Variants in EXOC2 observed in about 807,000 individuals in gnomAD.
The protein encoded by EXOC2 is exocyst complex component 2.
A neutral mutation model predicts 131.8 loss-of-function variants in EXOC2; 70 were observed. The observed-to-expected ratio is 0.53, with a 90% CI of 0.44 to 0.65. The LOEUF (loss-of-function observed/expected upper bound fraction) is 0.65. Ranked by LOEUF, EXOC2 falls within the 30% of genes least tolerant of loss-of-function variation. EXOC2 has a pLI of 0.00. For missense variants in EXOC2, 923 were observed against 1,108.6 expected (o/e 0.83, Z 2.38); for synonymous variants, 411 against 398.4 (o/e 1.03, Z -0.38).
At chr6:566,896 CTTTCT>C (rs1379892044) in intron 13 of EXOC2, among the ~76,000 whole-genome samples, 4 of 152,174 alleles carry the variant, frequency 2.6e-5, no homozygotes, top group African/African-American at 7.2e-5. Flanking sequence ...TTTCTTAGGT[CTTTCT>C]GGCTTGGCAT....
chr6:545,133 G>A (rs1044838267), intron 22 of EXOC2, among the ~76,000 whole-genome samples: 4 of 122,828 alleles, frequency 3.3e-5, no homozygotes, highest in Admixed American at 2.0e-4. Flanking sequence ...CGGCCTGGGC[G>A]ACAGAGCGAG....
At chr6:595,333 G>C (rs1759752130) in intron 10 of EXOC2, among the ~76,000 whole-genome samples, 1 of 151,940 alleles carries the variant, frequency 6.6e-6, no homozygotes, top group South Asian at 2.1e-4. Flanking sequence ...AAATTTCAAA[G>C]TCCAACAGGT....
intron 1 of EXOC2, among the ~76,000 whole-genome samples, chr6:676,724 C>T (rs201601805): frequency 1.8e-4 from 8 of 45,498 alleles, no homozygotes; most frequent in Non-Finnish European, 2.2e-4. Context: ...GGACAGGTTC[C>T]TCTGGAGACT....
intron 23 of EXOC2, among the ~76,000 whole-genome samples, chr6:501,109 TTATATATATCTA>T (rs1764030660): frequency 1.1e-5 from 1 of 87,630 alleles, no homozygotes; most frequent in African/African-American, 4.5e-5. Flanking sequence ...GATATATATA[TTATATATATCTA>T]TATATATTAT....
chr6:687,175 T>TTTTTTTTTTG, intron 1 of EXOC2, among the ~76,000 whole-genome samples: 1 of 115,696 alleles, frequency 8.6e-6, no homozygotes, highest in Non-Finnish European at 1.8e-5. Context: ...AATATTCTTT[T>TTTTTTTTTTG]TTTTTTTTTT....
intron 23 of EXOC2, among the ~76,000 whole-genome samples, chr6:507,049 CACAG>C (rs772080292): frequency 1.9e-4 from 29 of 149,018 alleles, no homozygotes; most frequent in East Asian, 1.4e-3. Context: ...CACACACACA[CACAG>C]AGCAGTGATC....
At chr6:557,967 A>C (rs1281137989) in intron 17 of EXOC2, among the ~76,000 whole-genome samples, 1 of 151,980 alleles carries the variant, frequency 6.6e-6, no homozygotes, top group African/African-American at 2.4e-5. Flanking sequence ...TGTCAGAACC[A>C]CCAAACATGA....
chr6:567,313 C>T (rs1278862868), intron 13 of EXOC2, among the ~76,000 whole-genome samples: 1 of 152,146 alleles, frequency 6.6e-6, no homozygotes, highest in Non-Finnish European at 1.5e-5. Flanking sequence ...GGCCTGCTTC[C>T]CCCCATCCTC....
At chr6:592,619 G>A (rs193112227) in intron 10 of EXOC2, 32 bp from the exon 11 acceptor site, 1 of 1,492,434 alleles carries the variant, frequency 6.7e-7, no homozygotes, top group African/African-American at 1.4e-5. Flanking sequence ...TGAGGCCAAA[G>A]GGAAATGCTG....
At chr6:550,159 C>T (rs376523855) in intron 21 of EXOC2, among the ~76,000 whole-genome samples, 1 of 152,330 alleles carries the variant, frequency 6.6e-6, no homozygotes, top group South Asian at 2.1e-4. Context: ...TAATCTAGAG[C>T]CTTGAGTTAG....
At chr6:518,988 C>T (rs1356160619) in intron 23 of EXOC2, among the ~76,000 whole-genome samples, 2 of 152,202 alleles carry the variant, frequency 1.3e-5, no homozygotes, top group Non-Finnish European at 2.9e-5. Flanking sequence ...CCGTTTTGAT[C>T]AAAAGCAGAA....
intron 2 of EXOC2, among the ~76,000 whole-genome samples, chr6:634,385 G>A (rs1278719954): frequency 6.6e-6 from 1 of 152,024 alleles, no homozygotes. Flanking sequence ...ATGCCCGGCA[G>A]ACACTTCACA....
intron 1 of EXOC2, chr6:656,064 A>C: frequency 6.9e-7 from 1 of 1,452,672 alleles, no homozygotes; most frequent in Non-Finnish European, 9.5e-7. Flanking sequence ...TTTAGTTTTG[A>C]AAAGATCAAA....
At chr6:607,382 A>C (rs977507746) in intron 7 of EXOC2, among the ~76,000 whole-genome samples, 2 of 152,214 alleles carry the variant, frequency 1.3e-5, no homozygotes, top group African/African-American at 4.8e-5. Context: ...TAAAGCGAAG[A>C]TAACAGCACA....
At chr6:590,764 A>G (rs763746732) in intron 11 of EXOC2, among the ~76,000 whole-genome samples, 1 of 152,226 alleles carries the variant, frequency 6.6e-6, no homozygotes, top group Non-Finnish European at 1.5e-5. Context: ...ACCAGCCCCT[A>G]AAACATCACT....
intron 1 of EXOC2, among the ~76,000 whole-genome samples, chr6:665,415 A>G (rs2762447): frequency 0.94 from 142,381 of 152,268 alleles, 67,014 homozygotes; most frequent in East Asian, 1. Context: ...CCATTTGATC[A>G]AGCAATCCCA....
chr6:588,537 TAG>T (rs1326103955), intron 11 of EXOC2, among the ~76,000 whole-genome samples: 1 of 152,204 alleles, frequency 6.6e-6, no homozygotes, highest in Non-Finnish European at 1.5e-5. Flanking sequence ...GTATTTTTAG[TAG>T]AGACAGGGTT....
chr6:585,715 T>A (rs184818368), intron 11 of EXOC2, among the ~76,000 whole-genome samples: 1 of 150,214 alleles, frequency 6.7e-6, no homozygotes, highest in Non-Finnish European at 1.5e-5. Context: ...CTTAAAAAAA[T>A]ATTTATATGT....
At chr6:559,908 T>A (rs1312336325) in intron 17 of EXOC2, among the ~76,000 whole-genome samples, 2 of 152,148 alleles carry the variant, frequency 1.3e-5, no homozygotes, top group East Asian at 3.9e-4. Flanking sequence ...CTTCTCAAAC[T>A]GAACATATAA....
Sources: allele counts gnomAD v4.1 joint callset (sites outside exome capture counted in the v4.1 genomes callset), GRCh38; gene constraint gnomAD v4.1.1; transcripts MANE v1.5; gene names NCBI Gene and HGNC (gene_info 2026-07-23, HGNC 2026-07-21).